Variants in LRRC45 observed in about 807,000 individuals in gnomAD.
LRRC45 encodes the protein leucine rich repeat containing 45.
A neutral mutation model predicts 85.4 loss-of-function variants in LRRC45; 73 were observed. The observed-to-expected ratio is 0.85, with a 90% confidence interval of 0.71 to 1.04. LRRC45 has a LOEUF of 1.04. LRRC45 is among the 50% of genes least tolerant of loss of function. The pLI is 0.00. For synonymous variants in LRRC45, 429 were observed against 386.0 expected (o/e 1.11, Z -1.31); for missense variants, 937 against 883.3 (o/e 1.06, Z -0.77).
Position 82,030,868 on chromosome 17 carries a change from G to C in LRRC45, c.*63G>C, listed in dbSNP as rs1275466784. 8.3e-7 allele frequency: 1 copy of C among 1,202,866 alleles called. No homozygotes were observed. The highest frequency in any genetic ancestry group is 1.1e-6 in the Non-Finnish European group (1 of 933,494). 74.5% of individuals were successfully genotyped at this position (1,202,866 alleles called of 1,614,324 possible). A position where few individuals can be genotyped will look rare whatever the true frequency, so the allele number is the denominator to read the frequency against. ...CAGGCGGCGCCCGAGATGGACCAGG[G>C]GCTGCGTCCCGCCCGCGCCGCCTCT... On this transcript the variant is annotated 3_prime_UTR_variant, in exon 17 of 17. Coordinates refer to ENST00000306688, the MANE Select transcript of LRRC45 (RefSeq NM_144999.4).
chr17:82,030,718 G>C lies in LRRC45; in HGVS notation c.1926G>C (p.Glu642Asp), dbSNP rs776803731. ...CGGAGATCGCCCGCATCCGGGACGA[G>C]GAGGCCCAGAGGGCGAGCTTCCTGC... Reference protein sequence around the residue: ...REAEIARIRDEEAQRASFLQN... With the variant: ...REAEIARIRDDEAQRASFLQN... The change falls in exon 17 of 17, where the codon GAG becomes GAC. Residue 642 changes from glutamate (E) to aspartate (D), a missense_variant. Transcript: ENST00000306688. 12 of 1,501,082 alleles carry C rather than the reference G, an allele frequency of 8.0e-6. No homozygotes were observed. The highest frequency in any genetic ancestry group is 9.9e-6 in the Non-Finnish European group (11 of 1,115,908). 93.0% of individuals were successfully genotyped at this position (1,501,082 alleles called of 1,614,324 possible).
rs2043410259 is a variant in LRRC45 at position 82,030,571 on chromosome 17, T to G, written c.1817-38T>G. ...GTGCTGAGGCCGTGCCACGGTGCGC[T>G]GGGGCTGCGTCCGCTCACTGCGCTC... On this transcript the variant is annotated intron_variant, in intron 16 of 16. Coordinates refer to ENST00000306688, the MANE Select transcript of LRRC45 (RefSeq NM_144999.4). 2.7e-6 allele frequency: 4 copies of G among 1,467,134 alleles called. No individual in the cohort carries two copies. In the East Asian group the frequency reaches 7.5e-5, roughly 28 times the overall value. The allele number at this position is 1,467,134 out of a possible 1,614,324, so 90.9% of individuals were successfully genotyped here. A position where few individuals can be genotyped will look rare whatever the true frequency, so the allele number is the denominator to read the frequency against.
In LRRC45 at chr17:82,029,469, G is replaced by A. The variant is rs564815954; in HGVS notation, c.1402-74G>A. The stretch of plus-strand genomic sequence containing the variant: ...AGAGGAGCCCCCCTGGCTGGGGTTG[G>A]CTGGATGGGCCAGAGAGAGAAGGGC... On this transcript the variant is annotated intron_variant, in intron 13 of 16. Transcript: ENST00000306688. 4.7e-6 allele frequency: 7 copies of A among 1,486,340 alleles called. No individual in the cohort carries two copies. The South Asian group carries it at 8.5e-5, about 18-fold the overall frequency. 92.1% of individuals were successfully genotyped at this position (1,486,340 alleles called of 1,614,324 possible).
chr17:82,030,958 G>A lies in LRRC45; in HGVS notation c.*153G>A. ...GACTGTTGGTGGTGTCGCGGCTGCG[G>A]GGGAACCCCGTGGGAGGCGCCTGGG... On this transcript the variant is annotated 3_prime_UTR_variant, in exon 17 of 17. Transcript: ENST00000306688. 3.7e-6 allele frequency: 2 copies of A among 547,544 alleles called. No homozygotes were observed. Among genetic ancestry groups the A allele is most frequent in the Non-Finnish European group, 2.8e-6 (1 of 360,760 alleles). 33.9% of individuals were successfully genotyped at this position (547,544 alleles called of 1,614,324 possible).
At chr17:82,024,886 G>A in intron 3 of LRRC45, 114 bp from the exon 4 acceptor site, 1 of 1,438,678 alleles carries the variant, frequency 7.0e-7, no homozygotes, top group Non-Finnish European at 9.2e-7. Flanking sequence ...ACGTTGGCAG[G>A]GGTAGGCAGA....
At chr17:82,025,613 T>G in intron 5 of LRRC45, 106 bp downstream of exon 5, 1 of 1,361,936 alleles carries the variant, frequency 7.3e-7, no homozygotes. Context: ...GAGAGCAGCC[T>G]GAGAGCCCAG....
At position 82,028,841 on chromosome 17, in the gene LRRC45, C is replaced by G; in HGVS notation, c.1308+158C>G. On this transcript the variant is annotated intron_variant, in intron 12 of 16. Transcript: ENST00000306688. The stretch of plus-strand genomic sequence containing the variant: ...TGAGCGGATGTCAGACCCAGAACCT[C>G]CTATTGGGGGCGGCGGGGGGACCCC... The G allele has an allele frequency of 8.9e-6, 8 of 896,524 alleles. No homozygotes were observed. In the South Asian group the frequency reaches 1.2e-4, roughly 14 times the overall value. 55.5% of individuals were successfully genotyped at this position (896,524 alleles called of 1,614,324 possible).
rs750899130 is a variant in LRRC45, at chr17:82,027,722, G to A, written c.882G>A (p.Arg294=). 1.2e-6 allele frequency: 2 copies of A among 1,611,170 alleles called. No homozygotes were observed. The highest frequency in any genetic ancestry group is 1.1e-5 in the South Asian group (1 of 90,736). ...VGQLQEALNE[R]HSIINALKAK... The stretch of plus-strand genomic sequence containing the variant: ...AGCTTCAGGAAGCCCTGAATGAGAG[G>A]CACTCCATCATCAACGCTCTCAAGG... The change falls in exon 8 of 17, where the codon AGG becomes AGA. Residue 294 remains arginine, a synonymous_variant. Transcript: ENST00000306688.
At position 82,031,133 on chromosome 17, in the gene LRRC45, G is replaced by T. The variant is rs2043418344; in HGVS notation, c.*328G>T. ...GCGCGGCGGGGTTTGGAAATACAGC[G>T]CGTTTGCACTTTGTGATACATTCTG... On this transcript the variant is annotated 3_prime_UTR_variant, in exon 17 of 17. Transcript: ENST00000306688. 1 of 306,244 alleles carries T rather than the reference G, an allele frequency of 3.3e-6. No individual in the cohort carries two copies. Among genetic ancestry groups the T allele is most frequent in the Non-Finnish European group, 6.0e-6 (1 of 166,658 alleles). 19.0% of individuals were successfully genotyped at this position (306,244 alleles called of 1,614,324 possible).
In LRRC45 at chr17:82,029,596, G is replaced by A. The variant is rs1392301389; in HGVS notation, c.1455G>A (p.Glu485=). 6.3e-7 allele frequency: 1 copy of A among 1,581,340 alleles called. No individual in the cohort carries two copies. The highest frequency in any genetic ancestry group is 8.6e-7 in the Non-Finnish European group (1 of 1,165,134). The change falls in exon 14 of 17, where the codon GAG becomes GAA. Residue 485 remains glutamate (E), a synonymous_variant. Coordinates refer to ENST00000306688, the MANE Select transcript of LRRC45 (RefSeq NM_144999.4). The part of the protein sequence containing the change: ...AALSERGQAE[E]ELIKAKSQAR... ...TCAGCGAGCGTGGCCAGGCTGAGGA[G>A]GAGCTGATCAAGGCCAAGAGCCAGG...
At position 82,030,245 on chromosome 17, in the gene LRRC45, G is replaced by C. The variant is rs766691476; in HGVS notation, c.1668+7G>C. On this transcript the variant is annotated splice_region_variant and intron_variant, in intron 15 of 16. Coordinates refer to ENST00000306688, the MANE Select transcript of LRRC45 (RefSeq NM_144999.4). ...CCTGGAAGAGCTGCAGCAGGTAGGC[G>C]GGGCTCCGGTGGGGGGCCCCGGGCG... The C allele has an allele frequency of 1.7e-5, 26 of 1,533,816 alleles. No homozygotes were observed. In the South Asian group the frequency reaches 2.8e-4, roughly 16 times the overall value.
chr17:82,025,624 G>A (rs2043362174), intron 5 of LRRC45, 117 bp downstream of exon 5: 2 of 1,326,118 alleles, frequency 1.5e-6, no homozygotes, highest in Non-Finnish European at 2.0e-6. Context: ...GAGAGCCCAG[G>A]GGAAGCAGGA....
chr17:82,029,299 C>G (rs2043396141), intron 13 of LRRC45, 114 bp downstream of exon 13: 8 of 1,103,764 alleles, frequency 7.2e-6, no homozygotes, highest in South Asian at 1.6e-5. Context: ...CCCAGAGGCT[C>G]ATAGGCCCCA....
At position 82,023,497 on chromosome 17, in the gene LRRC45, GC is replaced by G; in HGVS notation, c.-144del. 1 of 701,274 alleles carries G rather than the reference GC, an allele frequency of 1.4e-6. No homozygotes were observed. The highest frequency in any genetic ancestry group is 2.3e-6 in the Non-Finnish European group (1 of 441,012). The allele number at this position is 701,274 out of a possible 1,614,324, so 43.4% of individuals were successfully genotyped here. A position where few individuals can be genotyped will look rare whatever the true frequency, so the allele number is the denominator to read the frequency against. ...CAGCCCCGCGCTCCCAGGACCTCCC[GC>G]CCGCGGAGCCCACTCGGATTGCTCT... On this transcript the variant is annotated 5_prime_UTR_variant, in exon 1 of 17. Coordinates refer to ENST00000306688, the MANE Select transcript of LRRC45 (RefSeq NM_144999.4).
In LRRC45 at chr17:82,030,700, C is replaced by G. The variant is rs748102384; in HGVS notation, c.1908C>G (p.Ile636Met). Residue 636 changes from isoleucine to methionine, a missense_variant, in exon 17 of 17, where the codon ATC becomes ATG. Coordinates refer to ENST00000306688, the MANE Select transcript of LRRC45 (RefSeq NM_144999.4). ...REKLRLREAE[I>M]ARIRDEEAQR... Reference sequence around the variant, plus strand: ...AGCTGCGGCTCCGGGAGGCGGAGATCGCCCGCATCCGGGACGAGGAGGCCC... The same window carrying G: ...AGCTGCGGCTCCGGGAGGCGGAGATGGCCCGCATCCGGGACGAGGAGGCCC... 6.7e-7 allele frequency: 1 copy of G among 1,495,208 alleles called. No individual in the cohort carries two copies. Among genetic ancestry groups the G allele is most frequent in the Non-Finnish European group, 9.0e-7 (1 of 1,112,250 alleles). 92.6% of individuals were successfully genotyped at this position (1,495,208 alleles called of 1,614,324 possible).
intron 6 of LRRC45, 42 bp from the exon 7 acceptor site, chr17:82,027,344 C>T (rs1217879686): frequency 6.2e-7 from 1 of 1,609,250 alleles, no homozygotes; most frequent in Admixed American, 1.7e-5. Flanking sequence ...GGTGGACAGG[C>T]TGCAGGTGCC....
chr17:82,023,739 G>A lies in LRRC45; in HGVS notation c.96G>A (p.Arg32=). 6.4e-7 allele frequency: 1 copy of A among 1,551,520 alleles called. No individual in the cohort carries two copies. The highest frequency in any genetic ancestry group is 1.2e-5 in the South Asian group (1 of 84,494). ...AVLQQLHQLP[R]GRLDLATQSL... ...TGCAGCAGCTGCACCAGCTTCCCAG[G>A]GGCCGGCTGGACCTGGCCACGCAAA... The change falls in exon 1 of 17, where the codon AGG becomes AGA. Residue 32 remains arginine, a synonymous_variant. Transcript: ENST00000306688.
rs140038062 is a variant in LRRC45, at chr17:82,028,397, G to A, written c.1126G>A (p.Val376Ile). ...TTCCCTCCCTGGTGCCGGCTTTCAG[G>A]TAGACGAGTTGGAGCGGAAGTTCAG... is the stretch of plus-strand genomic sequence containing the variant. ...NEKNLLLQNQ[V>I]DELERKFRCQ... The change falls in exon 11 of 17, where the codon GTA becomes ATA. Residue 376 changes from valine (V) to isoleucine (I), a missense_variant and splice_region_variant. Transcript: ENST00000306688. The A allele has an allele frequency of 8.7e-6, 14 of 1,612,388 alleles. No individual in the cohort carries two copies. The highest frequency in any genetic ancestry group is 1.0e-5 in the Non-Finnish European group (12 of 1,179,910).
rs778913091 is a variant in LRRC45, at chr17:82,027,395, TTGA to T, written c.787_789del (p.Met263del). ...CTGTCTCTGTCCCCAGTTCCTCGAC[TTGA>T]TGGAGACTATTGATAAGCAGCGAGA... On this transcript the variant is annotated inframe_deletion, in exon 7 of 17. Coordinates refer to ENST00000306688, the MANE Select transcript of LRRC45 (RefSeq NM_144999.4). 6.2e-7 allele frequency: 1 copy of T among 1,612,658 alleles called. No homozygotes were observed. The highest frequency in any genetic ancestry group is 1.1e-5 in the South Asian group (1 of 91,090).
Sources: allele counts gnomAD v4.1 joint callset, GRCh38; gene constraint gnomAD v4.1.1; transcripts MANE v1.5; gene names NCBI Gene and HGNC (gene_info 2026-07-23, HGNC 2026-07-21).